The following DHODH variants were observed in gnomAD, a reference collection of about 807,000 sequenced individuals.
DHODH encodes the protein dihydroorotate dehydrogenase (quinone).
In DHODH, 30 loss-of-function variants were observed where a neutral mutation model predicts 39.7. That is an observed-to-expected ratio of 0.76 (90% confidence interval 0.57 to 1.02). The LOEUF (loss-of-function observed/expected upper bound fraction) is 1.02, where lower values mean the gene tolerates loss of function less well. Ranked by LOEUF, DHODH falls within the 50% of genes least tolerant of loss-of-function variation. The pLI, the probability that DHODH is intolerant of heterozygous loss-of-function variation, is 0.00. For missense variants in DHODH, 531 were observed against 520.8 expected (o/e 1.02, Z -0.19); for synonymous variants, 222 against 213.8 (o/e 1.04, Z -0.34).
chr16:72,012,768 C>A (rs990921119), intron 2 of DHODH, among the ~76,000 whole-genome samples: 1 of 152,208 alleles, frequency 6.6e-6, no homozygotes, highest in African/African-American at 2.4e-5. Flanking sequence ...CACTCAGCCA[C>A]GTGTTCAGCA....
intron 4 of DHODH, among the ~76,000 whole-genome samples, chr16:72,019,978 C>T (rs896479315): frequency 2.6e-5 from 4 of 151,884 alleles, no homozygotes; most frequent in African/African-American, 9.7e-5. Context: ...CCCTTCTCTA[C>T]TAAAAATACA....
Position 72,022,557 on chromosome 16 carries a change from C to T in DHODH, c.819+82C>T, listed in dbSNP as rs1442166556. On this transcript the variant is annotated intron_variant, in intron 6 of 8. Transcript: ENST00000219240. Reference sequence around the variant, plus strand: ...GGCCAGCTGGGCTAGCCCAGAATGGCGTTCTTTGTGATTTCCTCTCCTTGG... The same window carrying T: ...GGCCAGCTGGGCTAGCCCAGAATGGTGTTCTTTGTGATTTCCTCTCCTTGG... 31 of 1,143,082 alleles carry T rather than the reference C, an allele frequency of 2.7e-5. No individual in the cohort carries two copies. The East Asian group carries it at 6.7e-4, about 25-fold the overall frequency. The allele number at this position is 1,143,082 out of a possible 1,614,324, so 70.8% of individuals were successfully genotyped here.
Position 72,023,178 on chromosome 16 carries a change from G to T in DHODH, c.833G>T (p.Gly278Val). 1 of 1,614,140 alleles carries T rather than the reference G, an allele frequency of 6.2e-7. No homozygotes were observed. The highest frequency in any genetic ancestry group is 8.5e-7 in the Non-Finnish European group (1 of 1,180,026). ...CTCGCACTGCAGTTGGGCATCGATG[G>T]GCTGATTGTTACGAACACCACCGTG... ...ASVVKELGID[G>V]LIVTNTTVSR... Residue 278 changes from glycine (G) to valine (V), a missense_variant, in exon 7 of 9, where the codon GGG (glycine) becomes GTG (valine). Physicochemically the swap from Gly to Val is moderately radical, Grantham distance 109. Coordinates refer to ENST00000219240, the MANE Select transcript of DHODH (RefSeq NM_001361.5).
chr16:72,023,290 C>A lies in DHODH; in HGVS notation c.945C>A (p.Thr315=). The change falls in exon 7 of 9, where the codon ACC becomes ACA. Residue 315 remains threonine (T), a synonymous_variant. Transcript: ENST00000219240. Reference sequence around the variant, plus strand: ...CCCTCCGGGATTTATCAACTCAAACCATTCGGGAGATGTATGCACTCACCC... The same window carrying A: ...CCCTCCGGGATTTATCAACTCAAACAATTCGGGAGATGTATGCACTCACCC... The part of the protein sequence containing the change: ...GKPLRDLSTQ[T]IREMYALTQG... 1 of 1,614,170 alleles carries A rather than the reference C, an allele frequency of 6.2e-7. No homozygotes were observed.
chr16:72,017,770 CTTTTTT>C (rs71153696), intron 4 of DHODH, among the ~76,000 whole-genome samples: 4 of 103,800 alleles, frequency 3.9e-5, no homozygotes, highest in Non-Finnish European at 5.4e-5. Flanking sequence ...AAACAACATG[CTTTTTT>C]TTTTTTTTTT....
rs753917064 is a variant in DHODH at position 72,026,248 on chromosome 16, C to G, written c.*2049C>G. On this transcript the variant is annotated 3_prime_UTR_variant, in exon 9 of 9. Transcript: ENST00000219240. ...GCTCTCTGTGAGTCATCTGCCCTCC[C>G]TTTCCCATGCTACAGGCATCTACCT... 6.6e-6 allele frequency: 1 copy of G among 152,366 alleles called. No individual in the cohort carries two copies. Among genetic ancestry groups the G allele is most frequent in the South Asian group, 2.1e-4 (1 of 4,832 alleles). 9.4% of individuals were successfully genotyped at this position (152,366 alleles called of 1,614,324 possible).
At chr16:72,021,390 T>A in intron 5 of DHODH, 79 bp downstream of exon 5, 1 of 1,460,458 alleles carries the variant, frequency 6.8e-7, no homozygotes, top group African/African-American at 1.4e-5. Context: ...AGGGCGAACC[T>A]TCAGCATCAC....
intron 2 of DHODH, among the ~76,000 whole-genome samples, chr16:72,014,192 C>T (rs188918598): frequency 2.6e-4 from 39 of 152,288 alleles, no homozygotes; most frequent in South Asian, 1.5e-3. Context: ...CTTCAACCCA[C>T]GGTGGAAACA....
In DHODH at chr16:72,025,367, TTA is replaced by T. The variant is rs1172505436; in HGVS notation, c.*1170_*1171del. ...GCACACTGTTATCTGTTTAGTTACT[TTA>T]TGTTTTCATACAAATGACATCATCC... On this transcript the variant is annotated 3_prime_UTR_variant, in exon 9 of 9. Coordinates refer to ENST00000219240, the MANE Select transcript of DHODH (RefSeq NM_001361.5). The T allele has an allele frequency of 6.6e-6, 1 of 152,244 alleles. No homozygotes were observed. The highest frequency in any genetic ancestry group is 1.5e-5 in the Non-Finnish European group (1 of 68,042). 9.4% of individuals were successfully genotyped at this position (152,244 alleles called of 1,614,324 possible).
Position 72,009,142 on chromosome 16 carries a change from T to C in DHODH, c.21+357T>C, listed in dbSNP as rs573582964. The stretch of plus-strand genomic sequence containing the variant: ...CTAGAGTAGGACATGCTCCCAACCC[T>C]TTTAGGTAAAGTTTTGTTAGGGGCG... On this transcript the variant is annotated intron_variant, in intron 1 of 8. Transcript: ENST00000219240. 35 of 1,145,870 alleles carry C rather than the reference T, an allele frequency of 3.1e-5. No homozygotes were observed. The South Asian group carries it at 7.3e-4, about 24-fold the overall frequency. 71.0% of individuals were successfully genotyped at this position (1,145,870 alleles called of 1,614,324 possible).
chr16:72,017,079 C>T lies in DHODH; in HGVS notation c.490C>T (p.Gln164Ter). The T allele has an allele frequency of 1.2e-6, 2 of 1,614,086 alleles. No homozygotes were observed. The highest frequency in any genetic ancestry group is 1.7e-6 in the Non-Finnish European group (2 of 1,179,984). ...SVVEHRLRAR[Q>*]QKQAKLTEDG... is the part of the protein sequence containing the mutation. ...GGTGGAACACAGGTTACGGGCCAGA[C>T]AGCAGAAGCAGGCCAAGCTCACAGA... is the stretch of plus-strand genomic sequence containing the variant. Residue 164 changes from glutamine to a stop codon, truncating the protein, a stop_gained, in exon 4 of 9, where the codon CAG (glutamine) becomes TAG (stop). Transcript: ENST00000219240. LOFTEE classifies it high-confidence loss of function.
At chr16:72,015,312 C>T (rs946048699) in intron 3 of DHODH, among the ~76,000 whole-genome samples, 8 of 152,242 alleles carry the variant, frequency 5.3e-5, no homozygotes, top group African/African-American at 1.7e-4. Flanking sequence ...TAGCCACATG[C>T]GGCCAGCAGG....
rs1424609724 is a variant in DHODH at position 72,023,579 on chromosome 16, T to G, written c.1079T>G (p.Phe360Cys). ...GTGCAGCTGTACACGGCCCTCACCT[T>G]CTGGGGGCCACCCGTTGTGGGCAAA... ...SLVQLYTALT[F>C]WGPPVVGKVK... The change falls in exon 8 of 9, where the codon TTC (phenylalanine) becomes TGC (cysteine). Residue 360 changes from phenylalanine (F) to cysteine (C), a missense_variant. Coordinates refer to ENST00000219240, the MANE Select transcript of DHODH (RefSeq NM_001361.5). The G allele has an allele frequency of 3.7e-6, 6 of 1,613,982 alleles. No individual in the cohort carries two copies. The highest frequency in any genetic ancestry group is 5.1e-6 in the Non-Finnish European group (6 of 1,180,020).
rs112904410 is a variant in DHODH, at chr16:72,014,697, G to A, written c.434+25G>A. 29,523 of 1,611,966 alleles carry A rather than the reference G, an allele frequency of 0.018. 353 individuals carry two copies. Among genetic ancestry groups the A allele is most frequent in the Non-Finnish European group, 0.021 (24,841 of 1,178,530 alleles). ...GGTAGGTGAGCGGCCCAGAGTTAAC[G>A]GGGGATGCCCTCTTTCCAGCTGGGG... On this transcript the variant is annotated intron_variant, in intron 3 of 8. Transcript: ENST00000219240.
At chr16:72,021,829 G>A (rs1813283965) in intron 5 of DHODH, among the ~76,000 whole-genome samples, 1 of 152,124 alleles carries the variant, frequency 6.6e-6, no homozygotes, top group Non-Finnish European at 1.5e-5. Context: ...CAGGCACAGT[G>A]GCTCAAGCCT....
rs751876425 is a variant in DHODH, at chr16:72,023,511, C to A, written c.1011C>A (p.Ser337Arg). 3 of 1,614,056 alleles carry A rather than the reference C, an allele frequency of 1.9e-6. No individual in the cohort carries two copies. Among genetic ancestry groups the A allele is most frequent in the South Asian group, 1.1e-5 (1 of 91,074 alleles). ...VPIIGVGGVS[S>R]GQDALEKIRA... ...TAATTGGGGTTGGTGGTGTGAGCAG[C>A]GGGCAGGACGCGCTGGAGAAGATCC... The change falls in exon 8 of 9, where the codon AGC becomes AGA. Residue 337 changes from serine to arginine, a missense_variant. Transcript: ENST00000219240.
intron 3 of DHODH, 194 bp from the exon 4 acceptor site, chr16:72,016,830 A>G (rs1458956296): frequency 8.3e-6 from 5 of 600,904 alleles, no homozygotes; most frequent in East Asian, 3.2e-5. Flanking sequence ...GAGCATTTGC[A>G]AATTTTAATC....
Position 72,024,254 on chromosome 16 carries a change from C to G in DHODH, c.*55C>G, listed in dbSNP as rs1022387647. 2 of 1,589,768 alleles carry G rather than the reference C, an allele frequency of 1.3e-6. No homozygotes were observed. Among genetic ancestry groups the G allele is most frequent in the African/African-American group, 2.7e-5 (2 of 74,396 alleles). On this transcript the variant is annotated 3_prime_UTR_variant, in exon 9 of 9. Transcript: ENST00000219240. The stretch of plus-strand genomic sequence containing the variant: ...GAACCTTCCCAAGGACTCAGGCAAG[C>G]CTTTGTGGCTGGATCATGAGAGGAG...
rs550698313 is a variant in DHODH, at chr16:72,021,632, C to T, written c.705+321C>T. Among the ~76,000 whole-genome samples the T allele has an allele frequency of 9.8e-5, 15 of 152,290 alleles. No homozygotes were observed. In the East Asian group the frequency reaches 2.7e-3, roughly 27 times the overall value. ...AACTGAAGGACTTCATCACCCAGTA[C>T]ATGTGGTAATATTTCCTGGTTATCT... On this transcript the variant is annotated intron_variant, in intron 5 of 8. Transcript: ENST00000219240.
Sources: allele counts gnomAD v4.1 joint callset (sites outside exome capture counted in the v4.1 genomes callset), GRCh38; gene constraint gnomAD v4.1.1; transcripts MANE v1.5; gene names NCBI Gene and HGNC (gene_info 2026-07-23, HGNC 2026-07-21).